The following CPSF7 variants were observed in gnomAD, a reference collection of about 807,000 sequenced individuals.
CPSF7 encodes the protein cleavage and polyadenylation specificity factor subunit 7.
A neutral mutation model predicts 44.3 loss-of-function variants in CPSF7; 1 was observed. That is an observed-to-expected ratio of 0.02 (90% CI 0.01 to 0.11). CPSF7 has a LOEUF of 0.11. CPSF7 is among the 10% of genes least tolerant of loss of function. The pLI, the probability that CPSF7 is intolerant of heterozygous loss-of-function variation, is 1.00. For missense variants in CPSF7, 443 were observed against 607.2 expected (o/e 0.73, Z 2.84); for synonymous variants, 202 against 222.0 (o/e 0.91, Z 0.80).
intron 1 of CPSF7, 115 bp downstream of exon 1, chr11:61,429,799 C>G: frequency 1.0e-5 from 16 of 1,548,402 alleles, no homozygotes; most frequent in Non-Finnish European, 1.3e-5. Flanking sequence ...AGGCCCGCGA[C>G]TCCCTCCGCC....
chr11:61,420,770 A>C, intron 3 of CPSF7, 197 bp from the exon 4 acceptor site: 29 of 595,178 alleles, frequency 4.9e-5, no homozygotes, highest in East Asian at 8.5e-5. Flanking sequence ...CCCAATCTCC[A>C]TCTTTAGAGA....
At chr11:61,411,727 G>A (rs923232320) in intron 8 of CPSF7, 42 bp downstream of exon 8, 3 of 1,570,050 alleles carry the variant, frequency 1.9e-6, no homozygotes, top group South Asian at 1.1e-5. Flanking sequence ...CTGGAAGAGT[G>A]CTGCTTGGGG....
At chr11:61,427,534 TC>T (rs1861494504) in intron 2 of CPSF7, among the ~76,000 whole-genome samples, 1 of 151,468 alleles carries the variant, frequency 6.6e-6, no homozygotes, top group Admixed American at 6.6e-5. Context: ...ACGCCTGTAG[TC>T]CCAGCTACTC....
chr11:61,423,891 C>A (rs1414476906), intron 2 of CPSF7, among the ~76,000 whole-genome samples: 3 of 152,142 alleles, frequency 2.0e-5, no homozygotes, highest in Non-Finnish European at 2.9e-5. Flanking sequence ...AGAAAATGCA[C>A]ACTAAGAGAA....
intron 7 of CPSF7, among the ~76,000 whole-genome samples, chr11:61,413,113 T>TG (rs1192169310): frequency 6.6e-6 from 1 of 152,032 alleles, no homozygotes; most frequent in East Asian, 1.9e-4. Flanking sequence ...TTTGTAGAGA[T>TG]GGGGTCTCAC....
At position 61,420,795 on chromosome 11, in the gene CPSF7, A is replaced by C. The variant is rs551621354; in HGVS notation, c.274-222T>G. On this transcript the variant is annotated intron_variant, in intron 3 of 9. Transcript: ENST00000439958. ...ATCTTTAGAGATTACGAAGATTAAA[A>C]CTTATTGTAACTTTGACTGCCGTTT... 40 of 583,196 alleles carry C rather than the reference A, an allele frequency of 6.9e-5. No individual in the cohort carries two copies. In the African/African-American group the frequency reaches 7.1e-4, roughly 10 times the overall value. The allele number at this position is 583,196 out of a possible 1,614,324, so 36.1% of individuals were successfully genotyped here. A position where few individuals can be genotyped will look rare whatever the true frequency, so the allele number is the denominator to read the frequency against.
intron 9 of CPSF7, among the ~76,000 whole-genome samples, chr11:61,408,703 TG>T (rs1366230615): frequency 6.6e-6 from 1 of 152,190 alleles, no homozygotes; most frequent in Non-Finnish European, 1.5e-5. Flanking sequence ...GCACCCCCTC[TG>T]ACTCCCTACC....
At position 61,415,754 on chromosome 11, in the gene CPSF7, C is replaced by T. The variant is rs369255329; in HGVS notation, c.969G>A (p.Val323=). The change falls in exon 7 of 10, where the codon GTG becomes GTA. Residue 323 remains valine, a synonymous_variant. Transcript: ENST00000439958. ...SRDSGPPPST[V]SEAEFEDIMK... is the part of the protein sequence containing the mutation. ...TGATATCTTCAAATTCGGCTTCACT[C>T]ACTGTAGAGGGTGGAGGGCCCGAAT... 2.4e-5 allele frequency: 39 copies of T among 1,613,928 alleles called. No individual in the cohort carries two copies. In the African/African-American group the frequency reaches 4.7e-4, roughly 19 times the overall value.
intron 2 of CPSF7, among the ~76,000 whole-genome samples, chr11:61,425,990 C>A (rs367960755): frequency 1.3e-5 from 2 of 152,342 alleles, no homozygotes; most frequent in African/African-American, 2.4e-5. Flanking sequence ...AAACTCCCAG[C>A]AGAGCAACTG....
Position 61,415,791 on chromosome 11 carries a change from A to G in CPSF7, c.939-7T>C, listed in dbSNP as rs746183295. 4.5e-6 allele frequency: 7 copies of G among 1,562,840 alleles called. No homozygotes were observed. The Admixed American group carries it at 6.7e-5, about 15-fold the overall frequency. On this transcript the variant is annotated splice_region_variant and splice_polypyrimidine_tract_variant and intron_variant, in intron 6 of 9. Transcript: ENST00000439958. ...TGGAGGGCCCGAATCTCGGCTGTACAGAGAAAATACCATCCTTGATTGCTC... is the reference window on the plus strand; with the variant it reads ...TGGAGGGCCCGAATCTCGGCTGTACGGAGAAAATACCATCCTTGATTGCTC...
At chr11:61,412,031 A>G (rs566540182) in intron 7 of CPSF7, 94 bp from the exon 8 acceptor site, 56 of 1,134,612 alleles carry the variant, frequency 4.9e-5, no homozygotes, top group African/African-American at 7.6e-5. Flanking sequence ...AACCAAGAGT[A>G]GCTAGCCGTC....
At position 61,410,967 on chromosome 11, in the gene CPSF7, A is replaced by T; in HGVS notation, c.1365T>A (p.Asp455Glu). 1 of 1,613,188 alleles carries T rather than the reference A, an allele frequency of 6.2e-7. No individual in the cohort carries two copies. The highest frequency in any genetic ancestry group is 8.5e-7 in the Non-Finnish European group (1 of 1,179,806). The change falls in exon 9 of 10, where the codon GAT (aspartate) becomes GAA (glutamate). Residue 455 changes from aspartate to glutamate, a missense_variant. Transcript: ENST00000439958. Reference protein sequence around the residue: ...ERNREHERHRDRERDRHH With the variant: ...ERNREHERHRERERDRHH ...CTCAGTGGTGCCGGTCCCGTTCTCT[A>T]TCCCGGTGTCTCTCATGCTCCCGGT...
chr11:61,423,089 G>C (rs1267336637), intron 2 of CPSF7, among the ~76,000 whole-genome samples: 4 of 108,934 alleles, frequency 3.7e-5, no homozygotes, highest in Middle Eastern at 0.011. Flanking sequence ...CTGGGCAACA[G>C]AGTGAGACCC....
intron 2 of CPSF7, among the ~76,000 whole-genome samples, chr11:61,422,209 AAAAT>A (rs1860945544): frequency 6.6e-6 from 1 of 152,240 alleles, no homozygotes; most frequent in Admixed American, 6.5e-5. Context: ...GAGAAAATAA[AAAAT>A]AAATAAAAGG....
rs1041735777 is a variant in CPSF7, at chr11:61,429,938, G to C, written c.-80C>G. The C allele has an allele frequency of 2.1e-6, 3 of 1,415,794 alleles. No individual in the cohort carries two copies. The highest frequency in any genetic ancestry group is 4.4e-5 in the Admixed American group (2 of 45,946). 87.7% of individuals were successfully genotyped at this position (1,415,794 alleles called of 1,614,324 possible). A position where few individuals can be genotyped will look rare whatever the true frequency, so the allele number is the denominator to read the frequency against. ...CCGGGAATATGGCGGCGGCGGCGGC[G>C]AGTCCGGACTAGGCCCGAAGCGCGC... On this transcript the variant is annotated 5_prime_UTR_variant, in exon 1 of 10. Coordinates refer to ENST00000439958, the MANE Select transcript of CPSF7 (RefSeq NM_001142565.3).
intron 2 of CPSF7, among the ~76,000 whole-genome samples, chr11:61,421,817 TG>T (rs1245553423): frequency 6.6e-5 from 10 of 152,332 alleles, no homozygotes; most frequent in African/African-American, 1.7e-4. Context: ...CTCAAGATTC[TG>T]TTAATAGTCT....
intron 2 of CPSF7, among the ~76,000 whole-genome samples, chr11:61,425,358 CA>C (rs1222343664): frequency 6.6e-5 from 10 of 152,214 alleles, no homozygotes; most frequent in Non-Finnish European, 1.3e-4. Context: ...TCAAATTCTA[CA>C]AATTAAGTGA....
intron 9 of CPSF7, among the ~76,000 whole-genome samples, chr11:61,408,100 A>G (rs1326023694): frequency 7.0e-6 from 1 of 142,934 alleles, no homozygotes; most frequent in South Asian, 2.2e-4. Flanking sequence ...TCTGTCGCCC[A>G]GGCTGGAGTA....
intron 9 of CPSF7, among the ~76,000 whole-genome samples, chr11:61,407,211 G>A (rs1363284521): frequency 6.6e-6 from 1 of 152,176 alleles, no homozygotes; most frequent in Admixed American, 6.5e-5. Flanking sequence ...AAGCCATCAG[G>A]AATGGTGACA....
Sources: allele counts gnomAD v4.1 joint callset (sites outside exome capture counted in the v4.1 genomes callset), GRCh38; gene constraint gnomAD v4.1.1; transcripts MANE v1.5; gene names NCBI Gene and HGNC (gene_info 2026-07-23, HGNC 2026-07-21).